Variants in MYH10 observed in about 807,000 individuals in gnomAD.
MYH10 encodes the protein myosin heavy chain 10.
In MYH10, 55 loss-of-function variants were observed where a neutral mutation model predicts 257.8. The ratio of observed to expected loss-of-function variants is 0.21; its 90% confidence interval spans 0.17 to 0.27. The LOEUF (loss-of-function observed/expected upper bound fraction) is 0.27. Ranked by LOEUF, MYH10 falls within the 10% of genes least tolerant of loss-of-function variation. The pLI, the probability that MYH10 is intolerant of heterozygous loss-of-function variation, is 1.00. For missense variants in MYH10, 1,631 were observed against 2,500.6 expected, an observed-to-expected ratio of 0.65 and a Z score of 7.42; for synonymous variants, 854 against 921.7, an observed-to-expected ratio of 0.93 and a Z score of 1.33.
intron 6 of MYH10, among the ~76,000 whole-genome samples, chr17:8,574,339 A>G (rs974942868): frequency 2.6e-5 from 4 of 152,244 alleles, no homozygotes; most frequent in African/African-American, 9.6e-5. Context: ...GCAAATACAT[A>G]GAGACAGAAA....
intron 14 of MYH10, among the ~76,000 whole-genome samples, chr17:8,541,495 C>G (rs531216605): frequency 5.9e-5 from 9 of 152,164 alleles, no homozygotes; most frequent in African/African-American, 2.2e-4. Flanking sequence ...TCACATGGAG[C>G]TGAGTTCCAA....
In MYH10 at chr17:8,577,273, G is replaced by A; in HGVS notation, c.596C>T (p.Ala199Val). 1 of 1,612,468 alleles carries A rather than the reference G, an allele frequency of 6.2e-7. No individual in the cohort carries two copies. The highest frequency in any genetic ancestry group is 8.5e-7 in the Non-Finnish European group (1 of 1,178,922). ...GTCCTTTCTTCCTTTATGTGAAGAA[G>A]CAACATGGGCAAGGTACTGAATAAC... ...KKVIQYLAHV[A>V]SSHKGRKDHN... The change falls in exon 5 of 43, where the codon GCT becomes GTT. Residue 199 changes from alanine (A) to valine (V), a missense_variant. Coordinates refer to ENST00000360416, the MANE Select transcript of MYH10 (RefSeq NM_001256012.3).
chr17:8,480,202 G>T lies in MYH10; in HGVS notation c.5505C>A (p.Leu1835=), dbSNP rs751884968. 2 of 1,614,120 alleles carry T rather than the reference G, an allele frequency of 1.2e-6. No homozygotes were observed. The highest frequency in any genetic ancestry group is 1.7e-6 in the Non-Finnish European group (2 of 1,180,040). Residue 1835 remains leucine, a synonymous_variant, in exon 40 of 43, where the codon CTC becomes CTA. Transcript: ENST00000360416. The part of the protein sequence containing the change: ...NKELKAKLQE[L]EGAVKSKFKA... ...TGAACTTAGACTTGACAGCACCCTC[G>T]AGTTCCTGCAGCTTGGCCTTCAGCT...
intron 38 of MYH10, 151 bp downstream of exon 38, chr17:8,481,171 A>G (rs1009488523): frequency 2.8e-5 from 16 of 572,930 alleles, no homozygotes; most frequent in African/African-American, 2.5e-4. Context: ...GCTCGGCAGG[A>G]CTGGCACGGG....
intron 14 of MYH10, among the ~76,000 whole-genome samples, chr17:8,539,375 C>T (rs2082231327): frequency 2.0e-5 from 3 of 152,188 alleles, no homozygotes; most frequent in Admixed American, 2.0e-4. Flanking sequence ...CCTTCCACAA[C>T]ACTGCCAGCC....
At chr17:8,597,793 T>G (rs2084435820) in intron 3 of MYH10, among the ~76,000 whole-genome samples, 1 of 142,326 alleles carries the variant, frequency 7.0e-6, no homozygotes, top group Non-Finnish European at 1.5e-5. Flanking sequence ...TTTTTTTTTG[T>G]ATTTTTAGTA....
intron 28 of MYH10, among the ~76,000 whole-genome samples, chr17:8,503,047 C>G (rs866006328): frequency 1.1e-4 from 16 of 152,206 alleles, no homozygotes; most frequent in African/African-American, 2.9e-4. Flanking sequence ...CTTTGGGAGG[C>G]CAAGGCGGGC....
chr17:8,481,281 C>T (rs778502511), intron 38 of MYH10, 41 bp downstream of exon 38: 1 of 1,593,982 alleles, frequency 6.3e-7, no homozygotes, highest in Non-Finnish European at 8.6e-7. Context: ...AGTGCGCGTG[C>T]CTGAGGGCGA....
intron 35 of MYH10, among the ~76,000 whole-genome samples, chr17:8,489,745 A>ACACCCC (rs1258993754): frequency 6.6e-6 from 1 of 150,700 alleles, no homozygotes; most frequent in African/African-American, 2.5e-5. Flanking sequence ...ACACACACAC[A>ACACCCC]CCCCAAATCC....
intron 7 of MYH10, among the ~76,000 whole-genome samples, chr17:8,566,178 A>C (rs976002537): frequency 1.3e-5 from 2 of 152,186 alleles, no homozygotes; most frequent in Admixed American, 1.3e-4. Flanking sequence ...CCTCCAATTA[A>C]GAACCACTGA....
chr17:8,609,304 C>A (rs957932920), intron 2 of MYH10, among the ~76,000 whole-genome samples: 14 of 151,154 alleles, frequency 9.3e-5, no homozygotes, highest in African/African-American at 3.2e-4. Flanking sequence ...ATCATGTAAC[C>A]CTACATCCCA....
At chr17:8,478,769 C>T (rs968949345) in intron 40 of MYH10, among the ~76,000 whole-genome samples, 4 of 152,170 alleles carry the variant, frequency 2.6e-5, no homozygotes, top group South Asian at 2.1e-4. Flanking sequence ...CTTGCTCTGT[C>T]GCCCAGGCTG....
intron 2 of MYH10, among the ~76,000 whole-genome samples, chr17:8,618,393 C>A (rs2085345619): frequency 6.6e-6 from 1 of 152,060 alleles, no homozygotes; most frequent in Non-Finnish European, 1.5e-5. Context: ...GCATGTGCCA[C>A]CATGCCTGAC....
At position 8,623,159 on chromosome 17, in the gene MYH10, A is replaced by C; in HGVS notation, c.88T>G (p.Trp30Gly). Residue 30 changes from tryptophan (W) to glycine (G), a missense_variant, in exon 2 of 43, where the codon TGG (tryptophan) becomes GGG (glycine). Trp to Gly is a radical substitution (Grantham distance 184, BLOSUM62 -2). This residue lies in a region of MYH10 where 360 missense variants were observed against 581.9 expected (regional missense o/e 0.62). Coordinates refer to ENST00000360416, the MANE Select transcript of MYH10 (RefSeq NM_001256012.3). ...ATCCACACTAGCTTTTTAGCTGTCC[A>C]ATCAGCTTGAGTGGCAGGGTTGTAG... is the stretch of plus-strand genomic sequence containing the variant. Reference protein sequence around the residue: ...VIYNPATQADWTAKKLVWIPS... With the variant: ...VIYNPATQADGTAKKLVWIPS... The C allele has an allele frequency of 6.2e-7, 1 of 1,613,786 alleles. No homozygotes were observed. The highest frequency in any genetic ancestry group is 8.5e-7 in the Non-Finnish European group (1 of 1,179,902).
intron 7 of MYH10, among the ~76,000 whole-genome samples, chr17:8,557,677 G>A (rs2082852102): frequency 1.3e-5 from 2 of 152,102 alleles, no homozygotes; most frequent in African/African-American, 4.8e-5. Flanking sequence ...TGTTCAAGAG[G>A]GAGTTGGAGT....
chr17:8,492,464 G>T lies in MYH10; in HGVS notation c.4504C>A (p.Arg1502=). The T allele has an allele frequency of 6.2e-7, 1 of 1,612,324 alleles. No homozygotes were observed. ...KSISARYAEE[R]DRAEAEAREK... is the part of the protein sequence containing the mutation. ...CTGGCCTCGGCTTCGGCCCGGTCCC[G>T]CTCTTCGGCATAGCGAGCAGAGATG... Residue 1502 remains arginine (R), a synonymous_variant, in exon 34 of 43, where the codon CGG becomes AGG. Coordinates refer to ENST00000360416, the MANE Select transcript of MYH10 (RefSeq NM_001256012.3).
Position 8,487,490 on chromosome 17 carries a change from T to C in MYH10, c.4989A>G (p.Gln1663=). 1 of 1,614,178 alleles carries C rather than the reference T, an allele frequency of 6.2e-7. No homozygotes were observed. The change falls in exon 36 of 43, where the codon CAA becomes CAG. Residue 1663 remains glutamine, a synonymous_variant. Coordinates refer to ENST00000360416, the MANE Select transcript of MYH10 (RefSeq NM_001256012.3). ...CCCGAGCTTTGTTCGCAGCCTCGAT[T>C]TGGGCTTCGAGGTCCTTCAGGTCTA... ...MEIDLKDLEA[Q]IEAANKARDE...
At chr17:8,611,712 T>C (rs947253216) in intron 2 of MYH10, among the ~76,000 whole-genome samples, 1 of 151,984 alleles carries the variant, frequency 6.6e-6, no homozygotes, top group African/African-American at 2.4e-5. Flanking sequence ...GAGTGATCCA[T>C]GGGGGAAAAA....
chr17:8,532,284 T>C (rs951410015), intron 16 of MYH10, among the ~76,000 whole-genome samples: 2 of 152,160 alleles, frequency 1.3e-5, no homozygotes, highest in Admixed American at 1.3e-4. Context: ...GGCATATCTC[T>C]GGAAAGACAA....
Sources: allele counts gnomAD v4.1 joint callset (sites outside exome capture counted in the v4.1 genomes callset), GRCh38; gene constraint gnomAD v4.1.1; regional missense constraint gnomAD v4.1.1; transcripts MANE v1.5; gene names NCBI Gene and HGNC (gene_info 2026-07-23, HGNC 2026-07-21).